PHIP: variants seen among roughly 807,000 people sequenced by gnomAD.
PHIP encodes the protein PHIP subunit of CUL4-Ring ligase complex.
Under a neutral mutation model 236.8 loss-of-function variants are expected in PHIP, and 54 were observed. The observed-to-expected ratio is 0.23, with a 90% confidence interval of 0.18 to 0.29. The LOEUF is 0.29. PHIP is among the 10% of genes least tolerant of loss of function. The pLI, the probability that PHIP is intolerant of heterozygous loss-of-function variation, is 1.00. For synonymous variants in PHIP, 756 were observed against 718.9 expected (o/e 1.05, Z -0.83); for missense variants, 1,370 against 2,190.8 (o/e 0.63, Z 7.48).
chr6:78,989,390 C>T (rs1478934469), intron 20 of PHIP, among the ~76,000 whole-genome samples: 1 of 152,226 alleles, frequency 6.6e-6, no homozygotes, highest in South Asian at 2.1e-4. Flanking sequence ...CCAACGCACT[C>T]TGGCCTGGGT....
intron 6 of PHIP, among the ~76,000 whole-genome samples, chr6:79,045,642 TAA>T (rs1173437296): frequency 3.9e-5 from 6 of 152,188 alleles, no homozygotes; most frequent in South Asian, 2.1e-4. Flanking sequence ...AAGAAATTAA[TAA>T]GAGACCAATT....
In PHIP at chr6:78,965,778, A is replaced by G; in HGVS notation, c.3318-14T>C. ...CCATTGTCCCAGCTTAAAGAAAGAA[A>G]AATCATTATATTAAAAAATCTAAAT... On this transcript the variant is annotated splice_polypyrimidine_tract_variant and intron_variant, in intron 28 of 39. Coordinates refer to ENST00000275034, the MANE Select transcript of PHIP (RefSeq NM_017934.7). 1 of 1,448,020 alleles carries G rather than the reference A, an allele frequency of 6.9e-7. No homozygotes were observed. The highest frequency in any genetic ancestry group is 9.6e-7 in the Non-Finnish European group (1 of 1,043,136). 89.7% of individuals were successfully genotyped at this position (1,448,020 alleles called of 1,614,324 possible).
chr6:79,017,437 G>C, intron 11 of PHIP, 46 bp downstream of exon 11: 1 of 1,578,536 alleles, frequency 6.3e-7, no homozygotes, highest in Non-Finnish European at 8.7e-7. Flanking sequence ...TAAACTCTTG[G>C]ACTCACATAA....
chr6:79,070,353 G>T (rs757463076), intron 4 of PHIP, among the ~76,000 whole-genome samples: 5 of 152,078 alleles, frequency 3.3e-5, no homozygotes, highest in Non-Finnish European at 5.9e-5. Context: ...AAATAATCTT[G>T]AATGACCAGT....
In PHIP at chr6:78,935,441, C is replaced by CCAGAA. The variant is rs1773240146; in HGVS notation, c.*5251_*5252insTTCTG. 1.1e-6 allele frequency: 1 copy of CCAGAA among 915,152 alleles called. No homozygotes were observed. The highest frequency in any genetic ancestry group is 1.3e-6 in the Non-Finnish European group (1 of 766,270). 56.7% of individuals were successfully genotyped at this position (915,152 alleles called of 1,614,324 possible). A position where few individuals can be genotyped will look rare whatever the true frequency, so the allele number is the denominator to read the frequency against. On this transcript the variant is annotated 3_prime_UTR_variant, in exon 40 of 40. Transcript: ENST00000275034. ...AGGAAAACTGCAATAACCTTCTTTC[C>CCAGAA]ATCATTCCTTTTTTCCCAGAAATTG...
At chr6:78,976,576 G>C (rs1227254768) in intron 24 of PHIP, among the ~76,000 whole-genome samples, 2 of 136,028 alleles carry the variant, frequency 1.5e-5, no homozygotes, top group African/African-American at 5.4e-5. Context: ...ACTACCATCA[G>C]AGTGAACAGG....
rs1159498811 is a variant in PHIP, at chr6:78,954,931, T to C, written c.3936A>G (p.Arg1312=). The C allele has an allele frequency of 6.3e-7, 1 of 1,575,320 alleles. No homozygotes were observed. The highest frequency in any genetic ancestry group is 1.4e-5 in the African/African-American group (1 of 72,580). ...DHQPRRRLRN[R]AQSYDIQAWK... ...ATGCTTGAATATCGTAAGACTGGGC[T>C]CTATTACGTAATCTTCTTCTAGGCT... The change falls in exon 35 of 40, where the codon AGA becomes AGG. Residue 1312 remains arginine, a synonymous_variant. Coordinates refer to ENST00000275034, the MANE Select transcript of PHIP (RefSeq NM_017934.7).
At chr6:78,969,141 A>G (rs192307865) in intron 27 of PHIP, among the ~76,000 whole-genome samples, 40 of 152,330 alleles carry the variant, frequency 2.6e-4, no homozygotes, top group African/African-American at 9.1e-4. Context: ...TAATTTTGAT[A>G]GCTTCCAAAT....
intron 23 of PHIP, among the ~76,000 whole-genome samples, chr6:78,982,430 A>G (rs1209948941): frequency 6.6e-6 from 1 of 152,004 alleles, no homozygotes; most frequent in Non-Finnish European, 1.5e-5. Flanking sequence ...ACCCCACTTT[A>G]TTCGCCTTGG....
intron 7 of PHIP, among the ~76,000 whole-genome samples, chr6:79,036,706 G>C (rs1449957227): frequency 6.6e-6 from 1 of 151,912 alleles, no homozygotes; most frequent in African/African-American, 2.4e-5. Flanking sequence ...TAGATCATGA[G>C]GTCAGGAGAT....
chr6:78,978,679 A>T lies in PHIP; in HGVS notation c.2802T>A (p.Gly934=), dbSNP rs773858265. 6.3e-7 allele frequency: 1 copy of T among 1,595,816 alleles called. No homozygotes were observed. The highest frequency in any genetic ancestry group is 1.1e-5 in the South Asian group (1 of 88,582). Residue 934 remains glycine, a synonymous_variant, in exon 24 of 40, where the codon GGT becomes GGA. Coordinates refer to ENST00000275034, the MANE Select transcript of PHIP (RefSeq NM_017934.7). ...RLAVGELTEN[G]LTLEEWLPST... ...ATGGCAACCATTCTTCTAATGTCAA[A>T]CCATTTTCAGTTAGTTCTCCCACAG... is the stretch of plus-strand genomic sequence containing the variant.
intron 16 of PHIP, 108 bp from the exon 17 acceptor site, chr6:79,002,232 G>A: frequency 7.8e-6 from 5 of 643,292 alleles, no homozygotes; most frequent in South Asian, 6.4e-5. Context: ...TACGAATAAT[G>A]GTATTAAGCA....
At chr6:79,053,402 G>A (rs1161368855) in intron 6 of PHIP, among the ~76,000 whole-genome samples, 1 of 152,064 alleles carries the variant, frequency 6.6e-6, no homozygotes, top group East Asian at 1.9e-4. Context: ...CAAATTCAAA[G>A]GTATTTTATA....
In PHIP at chr6:79,017,406, CA is replaced by C; in HGVS notation, c.1096-21del. ...TTTGTCCTATATATAAACAAATAAA[CA>C]AAAAAGTGGGTGCTGAATATAAACT... is the stretch of plus-strand genomic sequence containing the variant. On this transcript the variant is annotated intron_variant, in intron 11 of 39. Coordinates refer to ENST00000275034, the MANE Select transcript of PHIP (RefSeq NM_017934.7). 2 of 1,585,142 alleles carry C rather than the reference CA, an allele frequency of 1.3e-6. No individual in the cohort carries two copies. Among genetic ancestry groups the C allele is most frequent in the Non-Finnish European group, 1.7e-6 (2 of 1,162,492 alleles).
intron 6 of PHIP, among the ~76,000 whole-genome samples, chr6:79,058,781 T>C (rs1462135617): frequency 6.6e-6 from 1 of 152,098 alleles, no homozygotes. Context: ...TACACTTTCA[T>C]TACCTACCAC....
chr6:78,971,771 G>A (rs951877361), intron 24 of PHIP, among the ~76,000 whole-genome samples: 19 of 152,102 alleles, frequency 1.2e-4, no homozygotes, highest in East Asian at 3.9e-4. Flanking sequence ...GGTGACGGAC[G>A]GCACCTGGAA....
At position 78,945,519 on chromosome 6, in the gene PHIP, T is replaced by TA. The variant is rs748980817; in HGVS notation, c.4631-23dup. On this transcript the variant is annotated intron_variant, in intron 38 of 39. Coordinates refer to ENST00000275034, the MANE Select transcript of PHIP (RefSeq NM_017934.7). ...AGTACTAAAACATACAAACAAAATT[T>TA]AAAAATTAAGAGTTATTGAACCTAA... 1.4e-5 allele frequency: 20 copies of TA among 1,455,140 alleles called. No homozygotes were observed. The East Asian group carries it at 3.2e-4, about 24-fold the overall frequency. 90.1% of individuals were successfully genotyped at this position (1,455,140 alleles called of 1,614,324 possible). A position where few individuals can be genotyped will look rare whatever the true frequency, so the allele number is the denominator to read the frequency against.
At chr6:79,052,602 T>C (rs767013158) in intron 6 of PHIP, among the ~76,000 whole-genome samples, 14 of 152,172 alleles carry the variant, frequency 9.2e-5, no homozygotes, top group Non-Finnish European at 1.8e-4. Flanking sequence ...GGAAAGGATA[T>C]AAGTAAAAGC....
At chr6:78,961,564 C>T (rs2127697769) in intron 31 of PHIP, 126 bp downstream of exon 31, 1 of 833,702 alleles carries the variant, frequency 1.2e-6, no homozygotes, top group East Asian at 2.9e-5. Context: ...TACATTTTAA[C>T]ATAATCCCCA....
Sources: allele counts gnomAD v4.1 joint callset (sites outside exome capture counted in the v4.1 genomes callset), GRCh38; gene constraint gnomAD v4.1.1; transcripts MANE v1.5; gene names NCBI Gene and HGNC (gene_info 2026-07-23, HGNC 2026-07-21).